MOXD1: variants seen among roughly 807,000 people sequenced by gnomAD.
MOXD1 encodes monooxygenase DBH like 1, also known as DBH-like monooxygenase protein 1.
A neutral mutation model predicts 66.6 loss-of-function variants in MOXD1; 62 were observed. That is an observed-to-expected ratio of 0.93 (90% CI 0.76 to 1.15). MOXD1 has a LOEUF of 1.15. Among genes scored for constraint, MOXD1 ranks in the 50% most tolerant of loss-of-function variants. The pLI is 0.00. For missense variants in MOXD1, 847 were observed against 754.6 expected (o/e 1.12, Z -1.44); for synonymous variants, 303 against 281.9 (o/e 1.07, Z -0.75).
chr6:132,385,539 A>G (rs1776612828), intron 1 of MOXD1, among the ~76,000 whole-genome samples: 1 of 150,898 alleles, frequency 6.6e-6, no homozygotes, highest in African/African-American at 2.4e-5. Context: ...GCTGAAGTTC[A>G]GTGGCACAAT....
At chr6:132,344,752 T>C (rs1775635634) in intron 4 of MOXD1, among the ~76,000 whole-genome samples, 1 of 152,172 alleles carries the variant, frequency 6.6e-6, no homozygotes, top group Non-Finnish European at 1.5e-5. Context: ...TCTGAACTCA[T>C]GAAAGTCCCA....
At position 132,401,239 on chromosome 6, in the gene MOXD1, C is replaced by A; in HGVS notation, c.188G>T (p.Gly63Val). 6.3e-7 allele frequency: 1 copy of A among 1,589,392 alleles called. No individual in the cohort carries two copies. Among genetic ancestry groups the A allele is most frequent in the Non-Finnish European group, 8.5e-7 (1 of 1,174,960 alleles). Residue 63 changes from glycine to valine, a missense_variant, in exon 1 of 12, where the codon GGC becomes GTC. By Grantham distance (109) the Gly-to-Val change is moderately radical. Coordinates refer to ENST00000367963, the MANE Select transcript of MOXD1 (RefSeq NM_015529.4). ...QVRTAGYVGF[G>V]FSPTGAMASA... ...CGCCATGGCCCCGGTGGGCGAGAAG[C>A]CGAAGCCCACGTAGCCTGCAGTGCG...
intron 8 of MOXD1, 77 bp from the exon 9 acceptor site, chr6:132,320,765 G>T: frequency 8.1e-7 from 1 of 1,227,788 alleles, no homozygotes; most frequent in Non-Finnish European, 1.2e-6. Flanking sequence ...TACGTCAACA[G>T]TTAATATTTG....
intron 1 of MOXD1, chr6:132,392,327 G>T: frequency 1.3e-6 from 2 of 1,573,042 alleles, no homozygotes. Flanking sequence ...ATATGTTTCA[G>T]CCTCCATTCA....
At chr6:132,300,494 A>G (rs1207889621) in intron 10 of MOXD1, among the ~76,000 whole-genome samples, 2 of 152,190 alleles carry the variant, frequency 1.3e-5, no homozygotes, top group African/African-American at 4.8e-5. Context: ...GGGGAAAATC[A>G]TCAGTCTGTA....
intron 10 of MOXD1, among the ~76,000 whole-genome samples, chr6:132,308,595 T>C (rs1486150828): frequency 6.6e-6 from 1 of 152,030 alleles, no homozygotes; most frequent in East Asian, 1.9e-4. Flanking sequence ...CAATATTCCT[T>C]ATGAACATCG....
At chr6:132,330,075 C>G (rs1010932294) in intron 4 of MOXD1, among the ~76,000 whole-genome samples, 1 of 152,142 alleles carries the variant, frequency 6.6e-6, no homozygotes, top group African/African-American at 2.4e-5. Flanking sequence ...GTGAAGCACA[C>G]CCTAGCATCC....
intron 10 of MOXD1, 51 bp from the exon 11 acceptor site, chr6:132,298,006 T>C (rs1446739927): frequency 6.8e-7 from 1 of 1,480,366 alleles, no homozygotes; most frequent in African/African-American, 1.4e-5. Flanking sequence ...GCATTACATG[T>C]TTCCTTTACT....
intron 1 of MOXD1, among the ~76,000 whole-genome samples, chr6:132,397,688 AAGAAAGAAAG>A (rs1708286720): frequency 7.8e-6 from 1 of 127,666 alleles, no homozygotes; most frequent in African/African-American, 2.9e-5. Flanking sequence ...GAAAGAAAGA[AAGAAAGAAAG>A]AAAAAGAAAG....
At position 132,372,659 on chromosome 6, in the gene MOXD1, C is replaced by A. The variant is rs1562295983; in HGVS notation, c.612G>T (p.Trp204Cys). 2.5e-6 allele frequency: 4 copies of A among 1,613,830 alleles called. No homozygotes were observed. Among genetic ancestry groups the A allele is most frequent in the South Asian group, 2.2e-5 (2 of 91,066 alleles). The change falls in exon 4 of 12, where the codon TGG becomes TGT. Residue 204 changes from tryptophan (W) to cysteine (C), a missense_variant. By Grantham distance (215) the Trp-to-Cys change is radical. Transcript: ENST00000367963. ...ACACAGGAATCTTAAACATTTGGCA[C>A]CAATATGTTGTATCTTTGTTTGGGA... ...VPIPNKDTTY[W>C]CQMFKIPVFQ...
chr6:132,340,075 G>A (rs1775519438), intron 4 of MOXD1, among the ~76,000 whole-genome samples: 1 of 151,940 alleles, frequency 6.6e-6, no homozygotes, highest in African/African-American at 2.4e-5. Context: ...TCACCGTGTT[G>A]GCCAGGCTGG....
At chr6:132,332,910 T>C (rs1030272688) in intron 4 of MOXD1, among the ~76,000 whole-genome samples, 1 of 152,198 alleles carries the variant, frequency 6.6e-6, no homozygotes, top group Admixed American at 6.5e-5. Flanking sequence ...CCCTTCCTGC[T>C]TGTTGGCTGA....
At chr6:132,302,888 C>G (rs2114527953) in intron 10 of MOXD1, among the ~76,000 whole-genome samples, 1 of 152,070 alleles carries the variant, frequency 6.6e-6, no homozygotes, top group East Asian at 1.9e-4. Flanking sequence ...CAGAAAGAAC[C>G]AATATATGGA....
At chr6:132,361,331 A>C (rs926865054) in intron 4 of MOXD1, among the ~76,000 whole-genome samples, 15 of 151,884 alleles carry the variant, frequency 9.9e-5, no homozygotes, top group South Asian at 2.1e-4. Context: ...AAAAAAAAAA[A>C]CAGCAAGCAA....
At chr6:132,315,856 T>C (rs1774938598) in intron 9 of MOXD1, 79 bp from the exon 10 acceptor site, 1 of 1,390,858 alleles carries the variant, frequency 7.2e-7, no homozygotes, top group Admixed American at 2.2e-5. Flanking sequence ...ATTAATGTCA[T>C]ACAGTTCCTT....
chr6:132,338,939 T>G (rs1487113747), intron 4 of MOXD1, among the ~76,000 whole-genome samples: 1 of 152,196 alleles, frequency 6.6e-6, no homozygotes, highest in African/African-American at 2.4e-5. Context: ...AGTTTTTAAA[T>G]GCAATTTTAA....
intron 9 of MOXD1, among the ~76,000 whole-genome samples, chr6:132,316,230 G>C (rs942267619): frequency 1.3e-5 from 2 of 151,988 alleles, no homozygotes; most frequent in Non-Finnish European, 2.9e-5. Context: ...CTAAAATTTG[G>C]AAAAAGATTA....
chr6:132,342,721 C>T (rs1775589555), intron 4 of MOXD1, among the ~76,000 whole-genome samples: 1 of 152,182 alleles, frequency 6.6e-6, no homozygotes, highest in Non-Finnish European at 1.5e-5. Flanking sequence ...GAGTCAAATG[C>T]ACATACAGTT....
intron 1 of MOXD1, among the ~76,000 whole-genome samples, chr6:132,379,299 T>C (rs1461395382): frequency 6.6e-6 from 1 of 152,018 alleles, no homozygotes; most frequent in African/African-American, 2.4e-5. Context: ...AAAAACAGTT[T>C]ATAACATTCA....
Sources: gnomAD v4.1 joint callset for allele counts (sites outside exome capture counted in the v4.1 genomes callset) on GRCh38, gnomAD v4.1.1 for gene constraint, MANE v1.5 for transcripts, NCBI Gene and HGNC (gene_info 2026-07-23, HGNC 2026-07-21) for gene names.